Variants in CRACR2A observed in about 807,000 individuals in gnomAD.
CRACR2A encodes the protein EF-hand calcium-binding domain-containing protein 4B.
CRACR2A carries 79 observed loss-of-function variants against 90.5 expected under a neutral mutation model. The ratio of observed to expected loss-of-function variants is 0.87; its 90% CI spans 0.73 to 1.05. The LOEUF is 1.05. Among genes scored for constraint, CRACR2A ranks in the 50% least tolerant of loss-of-function variants. The pLI, the probability that CRACR2A is intolerant of heterozygous loss-of-function variation, is 0.00. For synonymous variants in CRACR2A, 338 were observed against 356.7 expected, an observed-to-expected ratio of 0.95 and a Z score of 0.59; for missense variants, 823 against 897.2, an observed-to-expected ratio of 0.92 and a Z score of 1.06.
intron 19 of CRACR2A, among the ~76,000 whole-genome samples, chr12:3,615,650 T>C (rs1260401371): frequency 6.6e-6 from 1 of 152,136 alleles, no homozygotes; most frequent in Non-Finnish European, 1.5e-5. Flanking sequence ...TTAGTTGACA[T>C]GGATCCTTCA....
chr12:3,669,483 G>C (rs55686365), intron 7 of CRACR2A, among the ~76,000 whole-genome samples: 22,474 of 152,080 alleles, frequency 0.15, 1,842 homozygotes, highest in South Asian at 0.26. Context: ...CTTCCTTGGA[G>C]AGAAGTAGAG....
intron 1 of CRACR2A, among the ~76,000 whole-genome samples, chr12:3,737,348 T>G (rs77421393): frequency 6.6e-6 from 1 of 152,136 alleles, no homozygotes; most frequent in African/African-American, 2.4e-5. Flanking sequence ...AAGAGAGTGG[T>G]AGGAGATGAG....
At chr12:3,678,497 G>A (rs572744431) in intron 6 of CRACR2A, among the ~76,000 whole-genome samples, 1 of 152,258 alleles carries the variant, frequency 6.6e-6, no homozygotes, top group Admixed American at 6.5e-5. Context: ...ACCCAGGAGA[G>A]GTAAAGATGC....
At chr12:3,646,120 G>A (rs995471594) in intron 11 of CRACR2A, among the ~76,000 whole-genome samples, 1 of 152,226 alleles carries the variant, frequency 6.6e-6, no homozygotes, top group Non-Finnish European at 1.5e-5. Flanking sequence ...CAAGCGTGAG[G>A]ATGGAAAAGG....
intron 2 of CRACR2A, among the ~76,000 whole-genome samples, chr12:3,724,614 G>T (rs1380241328): frequency 6.6e-6 from 1 of 152,218 alleles, no homozygotes; most frequent in African/African-American, 2.4e-5. Context: ...TTAGATATCT[G>T]CAGGTAGGAC....
chr12:3,641,583 G>A, intron 13 of CRACR2A, 149 bp downstream of exon 13: 5 of 644,362 alleles, frequency 7.8e-6, no homozygotes, highest in Non-Finnish European at 1.4e-5. Flanking sequence ...ACAGGGAGGG[G>A]CATGTGTTCC....
In CRACR2A at chr12:3,722,641, C is replaced by T. The variant is rs116361579; in HGVS notation, c.-117-9324G>A. Reference sequence around the variant, plus strand: ...TCATTTCTGATGTCAGCACAGGACACACAGTACCAACAGGGACTCATCCTT... The same window carrying T: ...TCATTTCTGATGTCAGCACAGGACATACAGTACCAACAGGGACTCATCCTT... On this transcript the variant is annotated intron_variant, in intron 2 of 19. Coordinates refer to ENST00000440314, the MANE Select transcript of CRACR2A (RefSeq NM_001144958.2). 7.6e-3 allele frequency among the ~76,000 whole-genome samples: 1,163 copies of T among 152,310 alleles called. 11 individuals are homozygous for T. The highest frequency in any genetic ancestry group is 0.027 in the African/African-American group (1,102 of 41,550).
chr12:3,638,032 C>T (rs1400404764), intron 14 of CRACR2A, 92 bp downstream of exon 14: 3 of 1,283,108 alleles, frequency 2.3e-6, no homozygotes, highest in Non-Finnish European at 3.2e-6. Context: ...AGCATCTGAC[C>T]TCCTGAGCTG....
intron 6 of CRACR2A, among the ~76,000 whole-genome samples, chr12:3,678,223 A>G (rs1945372303): frequency 6.6e-6 from 1 of 152,152 alleles, no homozygotes; most frequent in Non-Finnish European, 1.5e-5. Context: ...CTTTACTTCA[A>G]TGTCAGGGCT....
At chr12:3,707,824 T>C (rs1028038180) in intron 3 of CRACR2A, among the ~76,000 whole-genome samples, 1 of 152,260 alleles carries the variant, frequency 6.6e-6, no homozygotes, top group Non-Finnish European at 1.5e-5. Flanking sequence ...ACATCCTTTC[T>C]TATCGTTGTC....
chr12:3,718,640 T>C (rs1023774077), intron 2 of CRACR2A, among the ~76,000 whole-genome samples: 12 of 152,278 alleles, frequency 7.9e-5, no homozygotes, highest in African/African-American at 2.9e-4. Flanking sequence ...GAAATGATTA[T>C]ATGTTGCATG....
chr12:3,676,620 G>C (rs542301035), intron 6 of CRACR2A, among the ~76,000 whole-genome samples: 5 of 152,332 alleles, frequency 3.3e-5, no homozygotes, highest in South Asian at 4.1e-4. Flanking sequence ...GAAGACAACT[G>C]TCTGTGAATG....
chr12:3,735,854 A>ACGTTTTCAC, intron 1 of CRACR2A, among the ~76,000 whole-genome samples: 1 of 152,286 alleles, frequency 6.6e-6, no homozygotes, highest in Non-Finnish European at 1.5e-5. Context: ...CCAGCATGCC[A>ACGTTTTCAC]CGTTTTCACA....
At chr12:3,680,818 C>T (rs1283711556) in intron 4 of CRACR2A, among the ~76,000 whole-genome samples, 1 of 152,218 alleles carries the variant, frequency 6.6e-6, no homozygotes, top group Non-Finnish European at 1.5e-5. Flanking sequence ...GGACCAAATA[C>T]TTTCAGGATA....
Position 3,654,234 on chromosome 12 carries a change from T to C in CRACR2A, c.1024A>G (p.Lys342Glu). The C allele has an allele frequency of 6.2e-7, 1 of 1,613,080 alleles. No homozygotes were observed. Among genetic ancestry groups the C allele is most frequent in the Non-Finnish European group, 8.5e-7 (1 of 1,179,740 alleles). The change falls in exon 10 of 20, where the codon AAA becomes GAA. Residue 342 changes from lysine (K) to glutamate (E), a missense_variant. Transcript: ENST00000440314. The part of the protein sequence containing the change: ...QLESLQQEAC[K>E]LHQEKEMEVY... ...CACATCTCCTTCTCTTGGTGGAGTT[T>C]GCAGGCCTCTTGCTGGAGGCTTTCC...
chr12:3,743,915 G>A (rs542069053), intron 1 of CRACR2A, among the ~76,000 whole-genome samples: 66 of 152,322 alleles, frequency 4.3e-4, no homozygotes, highest in African/African-American at 1.5e-3. Flanking sequence ...AGGACACGTC[G>A]CAGAAGATGT....
intron 1 of CRACR2A, among the ~76,000 whole-genome samples, chr12:3,750,241 G>A (rs1188127625): frequency 6.6e-6 from 1 of 151,996 alleles, no homozygotes; most frequent in Non-Finnish European, 1.5e-5. Flanking sequence ...GGCCCCCAGG[G>A]CTATTTTACA....
intron 2 of CRACR2A, among the ~76,000 whole-genome samples, chr12:3,713,844 G>C (rs1946043732): frequency 6.6e-6 from 1 of 152,200 alleles, no homozygotes; most frequent in African/African-American, 2.4e-5. Context: ...GGAGGGACAG[G>C]CTTAGGGACA....
intron 4 of CRACR2A, among the ~76,000 whole-genome samples, chr12:3,680,960 T>C (rs532497419): frequency 5.2e-4 from 79 of 152,352 alleles, no homozygotes; most frequent in African/African-American, 1.8e-3. Context: ...CATGGCCCAC[T>C]GAGGCCCCTC....
Sources: gnomAD v4.1 joint callset for allele counts (sites outside exome capture counted in the v4.1 genomes callset) on GRCh38, gnomAD v4.1.1 for gene constraint, MANE v1.5 for transcripts, NCBI Gene and HGNC (gene_info 2026-07-23, HGNC 2026-07-21) for gene names.